The following PPM1L variants were observed in gnomAD, a reference collection of about 807,000 sequenced individuals.
PPM1L encodes protein phosphatase 1L.
In PPM1L, 13 loss-of-function variants were observed where a neutral mutation model predicts 31.4. That is an observed-to-expected ratio of 0.41 (90% confidence interval 0.27 to 0.66). The LOEUF (loss-of-function observed/expected upper bound fraction) is 0.66, where lower values mean the gene tolerates loss of function less well. Ranked by LOEUF, PPM1L falls within the 30% of genes least tolerant of loss-of-function variation. The probability of loss-of-function intolerance (pLI) is 0.29; values close to 1 mark genes in which losing one functional copy is unlikely to be tolerated. For synonymous variants in PPM1L, 184 were observed against 175.4 expected (o/e 1.05, Z -0.39); for missense variants, 326 against 453.7 (o/e 0.72, Z 2.56).
At chr3:160,941,122 A>G (rs977842827) in intron 1 of PPM1L, among the ~76,000 whole-genome samples, 6 of 151,996 alleles carry the variant, frequency 3.9e-5, no homozygotes, top group African/African-American at 1.5e-4. Context: ...GTTTTGGCCA[A>G]TTTCTCCCAT....
intron 1 of PPM1L, among the ~76,000 whole-genome samples, chr3:160,897,965 C>T (rs913345135): frequency 6.6e-6 from 1 of 152,118 alleles, no homozygotes; most frequent in African/African-American, 2.4e-5. Context: ...AATGGAGTAA[C>T]AGTGATGTTT....
intron 1 of PPM1L, among the ~76,000 whole-genome samples, chr3:160,934,813 T>G (rs115788600): frequency 0.02 from 3,111 of 152,050 alleles, 44 homozygotes; most frequent in Non-Finnish European, 0.032. Context: ...ATTTGCTGGA[T>G]ATGGTGGTGC....
intron 2 of PPM1L, among the ~76,000 whole-genome samples, chr3:161,037,157 T>C (rs1327420439): frequency 6.6e-6 from 1 of 152,200 alleles, no homozygotes; most frequent in Non-Finnish European, 1.5e-5. Flanking sequence ...GACTTTATGA[T>C]TCCTTTGTAG....
intron 2 of PPM1L, among the ~76,000 whole-genome samples, chr3:161,027,731 A>G (rs2108077365): frequency 6.6e-6 from 1 of 152,192 alleles, no homozygotes; most frequent in East Asian, 1.9e-4. Flanking sequence ...ACTTTCTGGA[A>G]TGGGGCCCAG....
At chr3:160,811,925 C>T (rs886768643) in intron 1 of PPM1L, among the ~76,000 whole-genome samples, 3 of 152,202 alleles carry the variant, frequency 2.0e-5, no homozygotes, top group African/African-American at 7.2e-5. Context: ...AGAAGCAAGA[C>T]TTGGTGAACA....
chr3:161,059,278 G>A (rs1719506723), intron 2 of PPM1L, among the ~76,000 whole-genome samples: 3 of 152,118 alleles, frequency 2.0e-5, no homozygotes, highest in Non-Finnish European at 2.9e-5. Context: ...CAGAATCTTG[G>A]ATGGAGGAAA....
At chr3:161,047,130 A>G (rs1211914782) in intron 2 of PPM1L, among the ~76,000 whole-genome samples, 4 of 152,158 alleles carry the variant, frequency 2.6e-5, no homozygotes, top group African/African-American at 9.6e-5. Context: ...TATTCAGCTA[A>G]GAAAAGAGGA....
At chr3:160,824,938 A>T (rs1713311352) in intron 1 of PPM1L, among the ~76,000 whole-genome samples, 1 of 151,864 alleles carries the variant, frequency 6.6e-6, no homozygotes, top group Non-Finnish European at 1.5e-5. Flanking sequence ...TTCTTCCTTT[A>T]GGGATTTCTA....
At chr3:160,993,929 C>T (rs765550699) in intron 2 of PPM1L, among the ~76,000 whole-genome samples, 1 of 152,068 alleles carries the variant, frequency 6.6e-6, no homozygotes, top group Non-Finnish European at 1.5e-5. Flanking sequence ...CTCTCCCCAA[C>T]TCCCATTTTT....
At chr3:160,925,169 G>T (rs1288918573) in intron 1 of PPM1L, among the ~76,000 whole-genome samples, 1 of 152,060 alleles carries the variant, frequency 6.6e-6, no homozygotes, top group African/African-American at 2.4e-5. Context: ...ACAAGAAATG[G>T]TCATGACCAT....
intron 1 of PPM1L, among the ~76,000 whole-genome samples, chr3:160,943,620 G>A (rs1354463084): frequency 6.6e-6 from 1 of 152,178 alleles, no homozygotes; most frequent in Non-Finnish European, 1.5e-5. Context: ...GTATTAAAAT[G>A]TGTTATATGT....
chr3:160,775,113 T>A (rs1711532197), intron 1 of PPM1L, among the ~76,000 whole-genome samples: 1 of 152,246 alleles, frequency 6.6e-6, no homozygotes, highest in African/African-American at 2.4e-5. Flanking sequence ...CCTAATGGTG[T>A]TTGAGGCAAC....
intron 1 of PPM1L, among the ~76,000 whole-genome samples, chr3:160,923,262 T>C (rs1714475083): frequency 6.6e-6 from 1 of 152,228 alleles, no homozygotes; most frequent in Admixed American, 6.5e-5. Flanking sequence ...GGGCAGCTCC[T>C]GTTGAAGCCA....
intron 2 of PPM1L, among the ~76,000 whole-genome samples, chr3:161,045,597 G>C (rs1343382163): frequency 2.6e-5 from 4 of 152,140 alleles, no homozygotes; most frequent in Non-Finnish European, 4.4e-5. Flanking sequence ...CAACATACCA[G>C]AATCTCTTGG....
chr3:160,786,209 T>TACATATATATATATA (rs1560106787), intron 1 of PPM1L, among the ~76,000 whole-genome samples: 1 of 26,250 alleles, frequency 3.8e-5, no homozygotes, highest in African/African-American at 3.6e-4. Context: ...ATATATATAT[T>TACATATATATATATA]TTTTTTTTTT....
At chr3:160,923,119 A>G (rs1714469085) in intron 1 of PPM1L, among the ~76,000 whole-genome samples, 1 of 152,200 alleles carries the variant, frequency 6.6e-6, no homozygotes. Flanking sequence ...CTCATGGAAC[A>G]AAGAAAAAAG....
At chr3:161,005,174 T>C (rs1202697552) in intron 2 of PPM1L, among the ~76,000 whole-genome samples, 1 of 152,204 alleles carries the variant, frequency 6.6e-6, no homozygotes, top group East Asian at 1.9e-4. Flanking sequence ...TACCCAGTAG[T>C]CATTCAGGAG....
At chr3:161,047,154 C>A (rs1349235836) in intron 2 of PPM1L, among the ~76,000 whole-genome samples, 1 of 152,164 alleles carries the variant, frequency 6.6e-6, no homozygotes, top group African/African-American at 2.4e-5. Context: ...CAAATTGTCC[C>A]TGTTTGCAGG....
chr3:160,961,297 A>T (rs577797218), intron 1 of PPM1L, among the ~76,000 whole-genome samples: 5 of 152,176 alleles, frequency 3.3e-5, no homozygotes, highest in Non-Finnish European at 7.4e-5. Flanking sequence ...TTATGTAAAC[A>T]TTAATGAGTA....
Sources: allele counts gnomAD v4.1 joint callset (sites outside exome capture counted in the v4.1 genomes callset), GRCh38; gene constraint gnomAD v4.1.1; transcripts MANE v1.5; gene names NCBI Gene and HGNC (gene_info 2026-07-23, HGNC 2026-07-21).